CMKLR1: variants seen among roughly 807,000 people sequenced by gnomAD.
CMKLR1 encodes chemerin-like receptor 1.
CMKLR1 carries 6 observed loss-of-function variants against 8.2 expected under a neutral mutation model. That is an observed-to-expected ratio of 0.73 (90% CI 0.40 to 1.44). The LOEUF is 1.44. Ranked by LOEUF, CMKLR1 falls within the 40% of genes most tolerant of loss-of-function variation. The pLI, the probability that CMKLR1 is intolerant of heterozygous loss-of-function variation, is 0.02. For missense variants in CMKLR1, 429 were observed against 478.0 expected, an observed-to-expected ratio of 0.90 and a Z score of 0.96; for synonymous variants, 178 against 181.2, an observed-to-expected ratio of 0.98 and a Z score of 0.14.
chr12:108,326,155 C>T (rs1011287097), intron 2 of CMKLR1, among the ~76,000 whole-genome samples: 3 of 152,142 alleles, frequency 2.0e-5, no homozygotes, highest in African/African-American at 7.2e-5. Flanking sequence ...AAGAGAGAGG[C>T]CCCAACGGAG....
chr12:108,305,655 A>C (rs1022967371), intron 2 of CMKLR1, among the ~76,000 whole-genome samples: 2 of 152,144 alleles, frequency 1.3e-5, no homozygotes, highest in African/African-American at 2.4e-5. Flanking sequence ...GAAACCACAC[A>C]GTGTCTGCAG....
chr12:108,320,142 A>G (rs369674365), intron 2 of CMKLR1, among the ~76,000 whole-genome samples: 6 of 152,158 alleles, frequency 3.9e-5, no homozygotes, highest in African/African-American at 1.4e-4. Flanking sequence ...CCCCAGGCTG[A>G]AGTAACTGCA....
intron 2 of CMKLR1, among the ~76,000 whole-genome samples, chr12:108,312,302 A>C (rs867620394): frequency 6.6e-6 from 1 of 152,224 alleles, no homozygotes. Context: ...ATTTCCAAGC[A>C]TCGTGGATGG....
rs537725153 is a variant in CMKLR1 at position 108,306,356 on chromosome 12, T to A, written c.-73-12692A>T. On this transcript the variant is annotated intron_variant, in intron 2 of 3. Coordinates refer to ENST00000550402, the MANE Select transcript of CMKLR1 (RefSeq NM_001142343.2). ...GGATCCCTTGTACTGTCTACCCTTT[T>A]GTCAGTCCTCCCCTGACTAAGTTCT... Among the ~76,000 whole-genome samples, 5 of 151,984 alleles carry A rather than the reference T, an allele frequency of 3.3e-5. No homozygotes were observed. In the South Asian group the frequency reaches 8.4e-4, roughly 25 times the overall value.
At position 108,288,105 on chromosome 12, in the gene CMKLR1, C is replaced by A. The variant is rs1339800238; in HGVS notation, c.*3736G>T. 1 of 152,100 alleles carries A rather than the reference C, an allele frequency of 6.6e-6. No homozygotes were observed. The highest frequency in any genetic ancestry group is 1.5e-5 in the Non-Finnish European group (1 of 68,028). 9.4% of individuals were successfully genotyped at this position (152,100 alleles called of 1,614,324 possible). Reference sequence around the variant, plus strand: ...CCTCAAAGGGAAGAAGTAAGAAGACCCCCTGCTGAATTATTTCACAGTAGA... The same window carrying A: ...CCTCAAAGGGAAGAAGTAAGAAGACACCCTGCTGAATTATTTCACAGTAGA... On this transcript the variant is annotated 3_prime_UTR_variant, in exon 4 of 4. Coordinates refer to ENST00000550402, the MANE Select transcript of CMKLR1 (RefSeq NM_001142343.2).
intron 2 of CMKLR1, 26 bp from the exon 3 acceptor site, chr12:108,293,690 A>AG: frequency 2.5e-6 from 3 of 1,182,230 alleles, no homozygotes; most frequent in Non-Finnish European, 3.6e-6. Context: ...AAAAAAAAAA[A>AG]GCAGCAATTG....
intron 1 of CMKLR1, among the ~76,000 whole-genome samples, chr12:108,331,024 C>G (rs1351690444): frequency 6.6e-6 from 1 of 152,172 alleles, no homozygotes; most frequent in Non-Finnish European, 1.5e-5. Context: ...AGCCCTTGTG[C>G]TCCTTGCAGC....
chr12:108,324,650 C>T (rs1398773330), intron 2 of CMKLR1, among the ~76,000 whole-genome samples: 1 of 152,180 alleles, frequency 6.6e-6, no homozygotes, highest in East Asian at 1.9e-4. Context: ...TTTTTTAAAG[C>T]ATGTGCCCTC....
intron 2 of CMKLR1, among the ~76,000 whole-genome samples, chr12:108,303,850 C>G (rs1378004582): frequency 2.6e-5 from 4 of 152,234 alleles, no homozygotes; most frequent in Non-Finnish European, 5.9e-5. Flanking sequence ...ACAGGAGAAG[C>G]CTTTGGAGGC....
chr12:108,310,956 C>G (rs7132132), intron 2 of CMKLR1, among the ~76,000 whole-genome samples: 27 of 146,266 alleles, frequency 1.8e-4, no homozygotes, highest in African/African-American at 5.5e-4. Context: ...ACCGCCCCCC[C>G]ACCCCCCGCC....
At chr12:108,302,112 A>AT (rs1164998417) in intron 2 of CMKLR1, among the ~76,000 whole-genome samples, 1 of 152,232 alleles carries the variant, frequency 6.6e-6, no homozygotes, top group African/African-American at 2.4e-5. Flanking sequence ...GGAACAGGCA[A>AT]TTGACAGGAG....
intron 2 of CMKLR1, among the ~76,000 whole-genome samples, chr12:108,311,604 T>C (rs1891577851): frequency 6.6e-6 from 1 of 151,966 alleles, no homozygotes; most frequent in Non-Finnish European, 1.5e-5. Context: ...CCAGCCTGGG[T>C]GACAGAGCAA....
intron 2 of CMKLR1, among the ~76,000 whole-genome samples, chr12:108,309,186 C>T (rs773318932): frequency 2.7e-4 from 41 of 152,262 alleles, no homozygotes; most frequent in Non-Finnish European, 3.4e-4. Flanking sequence ...CCTGGTTCAT[C>T]GGAAGCTCTA....
At chr12:108,330,674 G>A (rs888788330) in intron 1 of CMKLR1, among the ~76,000 whole-genome samples, 2 of 152,234 alleles carry the variant, frequency 1.3e-5, no homozygotes, top group Admixed American at 6.5e-5. Context: ...GGGATCCAGT[G>A]GGGACCCTGG....
chr12:108,295,147 C>T (rs899684179), intron 2 of CMKLR1, among the ~76,000 whole-genome samples: 1 of 152,188 alleles, frequency 6.6e-6, no homozygotes, highest in African/African-American at 2.4e-5. Context: ...GTGTGCATGA[C>T]AGTAGTGGGG....
intron 2 of CMKLR1, among the ~76,000 whole-genome samples, chr12:108,313,777 C>T (rs1443965862): frequency 1.3e-5 from 2 of 152,158 alleles, no homozygotes; most frequent in South Asian, 2.1e-4. Flanking sequence ...AGTTTGAAAC[C>T]CCCACCAGTA....
At chr12:108,300,383 A>C (rs760715250) in intron 2 of CMKLR1, among the ~76,000 whole-genome samples, 1 of 152,252 alleles carries the variant, frequency 6.6e-6, no homozygotes, top group Non-Finnish European at 1.5e-5. Context: ...AAAGTAGTAC[A>C]GAGAAGTTCC....
intron 1 of CMKLR1, among the ~76,000 whole-genome samples, chr12:108,332,501 A>G (rs779907918): frequency 6.6e-5 from 10 of 152,240 alleles, no homozygotes; most frequent in Non-Finnish European, 1.2e-4. Context: ...GGGAAGGCAG[A>G]TCCACCCTTA....
At chr12:108,332,365 G>A (rs1165577893) in intron 1 of CMKLR1, among the ~76,000 whole-genome samples, 2 of 152,328 alleles carry the variant, frequency 1.3e-5, no homozygotes, top group African/African-American at 2.4e-5. Flanking sequence ...GGGCAATGTG[G>A]TGAGACCCTG....
Sources: gnomAD v4.1 joint callset for allele counts (sites outside exome capture counted in the v4.1 genomes callset) on GRCh38, gnomAD v4.1.1 for gene constraint, MANE v1.5 for transcripts, NCBI Gene and HGNC (gene_info 2026-07-23, HGNC 2026-07-21) for gene names.